CYTH1: variants seen among roughly 807,000 people sequenced by gnomAD.
The protein encoded by CYTH1 is cytohesin-1.
CYTH1 carries 18 observed loss-of-function variants against 61.8 expected under a neutral mutation model. The observed-to-expected ratio is 0.29, with a 90% confidence interval of 0.20 to 0.43. The LOEUF is 0.43. CYTH1 is among the 20% of genes least tolerant of loss of function. The probability of loss-of-function intolerance (pLI) is 1.00; values close to 1 mark genes in which losing one functional copy is unlikely to be tolerated. For synonymous variants in CYTH1, 174 were observed against 184.3 expected, an observed-to-expected ratio of 0.94 and a Z score of 0.45; for missense variants, 336 against 510.5, an observed-to-expected ratio of 0.66 and a Z score of 3.29.
intron 1 of CYTH1, among the ~76,000 whole-genome samples, chr17:78,775,800 G>A (rs1452540368): frequency 6.6e-6 from 1 of 152,140 alleles, no homozygotes; most frequent in Admixed American, 6.5e-5. Context: ...AATAAGACAT[G>A]CATTTGCTAT....
intron 13 of CYTH1, 174 bp from the exon 14 acceptor site, chr17:78,676,343 A>T (rs1455226790): frequency 1.6e-6 from 1 of 616,542 alleles, no homozygotes; most frequent in Non-Finnish European, 2.8e-6. Context: ...ACAGTGACCT[A>T]AGGTGACACA....
rs916576496 is a variant in CYTH1, at chr17:78,675,485, C to G, written c.*606G>C. On this transcript the variant is annotated 3_prime_UTR_variant, in exon 14 of 14. Coordinates refer to ENST00000446868, the MANE Select transcript of CYTH1 (RefSeq NM_004762.6). Reference sequence around the variant, plus strand: ...GCCCAGACAAGCACCAGGCAGCGAGCTCCCACAGCACAGGAGAGGCAGGCC... The same window carrying G: ...GCCCAGACAAGCACCAGGCAGCGAGGTCCCACAGCACAGGAGAGGCAGGCC... 1 of 154,668 alleles carries G rather than the reference C, an allele frequency of 6.5e-6. No individual in the cohort carries two copies. Among genetic ancestry groups the G allele is most frequent in the South Asian group, 2.1e-4 (1 of 4,876 alleles). The allele number at this position is 154,668 out of a possible 1,614,324, so 9.6% of individuals were successfully genotyped here.
At chr17:78,689,357 A>G (rs1317511788) in intron 11 of CYTH1, among the ~76,000 whole-genome samples, 1 of 152,192 alleles carries the variant, frequency 6.6e-6, no homozygotes, top group Non-Finnish European at 1.5e-5. Flanking sequence ...CCCCAGCACT[A>G]GCATCACTGC....
intron 10 of CYTH1, among the ~76,000 whole-genome samples, chr17:78,694,662 C>T (rs9912802): frequency 1.3e-5 from 2 of 152,054 alleles, no homozygotes; most frequent in African/African-American, 4.8e-5. Flanking sequence ...ACCTCCCATG[C>T]GCTCCATCAC....
intron 1 of CYTH1, among the ~76,000 whole-genome samples, chr17:78,743,233 A>G (rs1451173561): frequency 6.6e-6 from 1 of 152,236 alleles, no homozygotes; most frequent in East Asian, 1.9e-4. Context: ...ACACATTAAC[A>G]ATCATTATCT....
intron 1 of CYTH1, among the ~76,000 whole-genome samples, chr17:78,756,420 T>C (rs1315763106): frequency 6.6e-6 from 1 of 152,150 alleles, no homozygotes; most frequent in Non-Finnish European, 1.5e-5. Flanking sequence ...ATGTAAATTA[T>C]ACCTCAATAA....
rs189084102 is a variant in CYTH1 at position 78,714,345 on chromosome 17, T to G, written c.23-4613A>C. 2.5e-3 allele frequency among the ~76,000 whole-genome samples: 386 copies of G among 151,884 alleles called. 1 individual carries two copies. Among genetic ancestry groups the G allele is most frequent in the South Asian group, 0.015 (70 of 4,792 alleles). ...AAAGGAACAAAAACATCCATAAACC[T>G]ACAATATCAAAGAGTACACAGAGAA... On this transcript the variant is annotated intron_variant, in intron 1 of 13. Transcript: ENST00000446868.
chr17:78,707,660 A>G (rs2093081948), intron 3 of CYTH1, among the ~76,000 whole-genome samples: 3 of 151,814 alleles, frequency 2.0e-5, no homozygotes, highest in South Asian at 2.1e-4. Context: ...GCTTTCTGGG[A>G]CCTTTGAAGT....
intron 1 of CYTH1, among the ~76,000 whole-genome samples, chr17:78,747,765 C>T (rs1402275175): frequency 6.6e-6 from 1 of 152,196 alleles, no homozygotes; most frequent in East Asian, 1.9e-4. Flanking sequence ...CTTGTAGGGA[C>T]AGACTTCATC....
rs909342408 is a variant in CYTH1, at chr17:78,675,167, TCA to T, written c.*922_*923del. The T allele has an allele frequency of 1.3e-5, 2 of 152,240 alleles. No homozygotes were observed. The highest frequency in any genetic ancestry group is 1.3e-4 in the Admixed American group (2 of 15,292). 9.4% of individuals were successfully genotyped at this position (152,240 alleles called of 1,614,324 possible). On this transcript the variant is annotated 3_prime_UTR_variant, in exon 14 of 14. Coordinates refer to ENST00000446868, the MANE Select transcript of CYTH1 (RefSeq NM_004762.6). ...GGAACCTCTGTCCCGATAACCTTCC[TCA>T]CAGTTTTGGTTATTAGGTATTTAGC...
intron 3 of CYTH1, among the ~76,000 whole-genome samples, chr17:78,706,153 A>C (rs2093063287): frequency 6.6e-6 from 1 of 152,188 alleles, no homozygotes; most frequent in African/African-American, 2.4e-5. Context: ...TAAAATTTAC[A>C]TTTAACAAAA....
chr17:78,743,526 T>C (rs950536324), intron 1 of CYTH1, among the ~76,000 whole-genome samples: 4 of 152,200 alleles, frequency 2.6e-5, no homozygotes, highest in African/African-American at 9.6e-5. Flanking sequence ...GTTTTCAGGT[T>C]AGGGATGCTC....
chr17:78,738,469 C>T (rs1441029713), intron 1 of CYTH1, among the ~76,000 whole-genome samples: 1 of 152,170 alleles, frequency 6.6e-6, no homozygotes, highest in Non-Finnish European at 1.5e-5. Context: ...GGCCAAGTCT[C>T]ACTGGGGAGC....
rs369997350 is a variant in CYTH1, at chr17:78,782,186, G to A, written c.22+16C>T. 3.4e-4 allele frequency: 469 copies of A among 1,362,628 alleles called. 1 individual carries two copies. In the African/African-American group the frequency reaches 6.7e-3, roughly 19 times the overall value. The allele number at this position is 1,362,628 out of a possible 1,614,324, so 84.4% of individuals were successfully genotyped here. A position where few individuals can be genotyped will look rare whatever the true frequency, so the allele number is the denominator to read the frequency against. On this transcript the variant is annotated intron_variant, in intron 1 of 13. Transcript: ENST00000446868. ...GGACAGCGAGGGGGAAGCGTCCGCC[G>A]CCGGGGCGCACTGACCGTAGCTGTC... is the stretch of plus-strand genomic sequence containing the variant.
chr17:78,702,414 C>A, intron 4 of CYTH1, 124 bp downstream of exon 4: 1 of 1,121,868 alleles, frequency 8.9e-7, no homozygotes, highest in South Asian at 1.4e-5. Flanking sequence ...TAGTGCATAA[C>A]ATTTGCTCTA....
At chr17:78,688,304 C>T (rs2092837815) in intron 11 of CYTH1, among the ~76,000 whole-genome samples, 1 of 152,184 alleles carries the variant, frequency 6.6e-6, no homozygotes. Context: ...AACTAAAGCA[C>T]ACATAACATA....
At chr17:78,681,312 G>A (rs1042274178) in intron 11 of CYTH1, among the ~76,000 whole-genome samples, 3 of 152,104 alleles carry the variant, frequency 2.0e-5, no homozygotes, top group African/African-American at 7.2e-5. Flanking sequence ...ACCCGGGCAC[G>A]GTCCTCAAGC....
chr17:78,757,938 A>G (rs1255447267), intron 1 of CYTH1, among the ~76,000 whole-genome samples: 1 of 152,094 alleles, frequency 6.6e-6, no homozygotes, highest in African/African-American at 2.4e-5. Context: ...AAAAAAGTTT[A>G]AAAAAATAGT....
intron 1 of CYTH1, among the ~76,000 whole-genome samples, chr17:78,769,448 C>G (rs2093461871): frequency 6.6e-6 from 1 of 152,160 alleles, no homozygotes; most frequent in Admixed American, 6.5e-5. Flanking sequence ...ACTCATCTTT[C>G]ACAATCCAGC....
Sources: allele counts gnomAD v4.1 joint callset (sites outside exome capture counted in the v4.1 genomes callset), GRCh38; gene constraint gnomAD v4.1.1; transcripts MANE v1.5; gene names NCBI Gene and HGNC (gene_info 2026-07-23, HGNC 2026-07-21).